Variants in MEIS2 observed in about 807,000 individuals in gnomAD.
MEIS2 encodes homeobox protein Meis2.
MEIS2 carries 9 observed loss-of-function variants against 58.6 expected under a neutral mutation model. The ratio of observed to expected loss-of-function variants is 0.15; its 90% confidence interval spans 0.09 to 0.27. The LOEUF is 0.27. Ranked by LOEUF, MEIS2 falls within the 10% of genes least tolerant of loss-of-function variation. MEIS2 has a pLI of 1.00. For synonymous variants in MEIS2, 221 were observed against 228.4 expected (o/e 0.97, Z 0.29); for missense variants, 427 against 635.0 (o/e 0.67, Z 3.52).
At position 36,892,077 on chromosome 15, in the gene MEIS2, C is replaced by T; in HGVS notation, c.*96G>A. 3 of 1,316,246 alleles carry T rather than the reference C, an allele frequency of 2.3e-6. No individual in the cohort carries two copies. Among genetic ancestry groups the T allele is most frequent in the Non-Finnish European group, 3.2e-6 (3 of 932,274 alleles). 81.5% of individuals were successfully genotyped at this position (1,316,246 alleles called of 1,614,324 possible). A position where few individuals can be genotyped will look rare whatever the true frequency, so the allele number is the denominator to read the frequency against. On this transcript the variant is annotated 3_prime_UTR_variant, in exon 12 of 12. Coordinates refer to ENST00000561208, the MANE Select transcript of MEIS2 (RefSeq NM_170675.5). ...AAAAGTAAAAAATAATCACAGCTGT[C>T]TGGAATTTCATATTAAGTGTCAACA...
In MEIS2 at chr15:36,950,418, G is replaced by A; in HGVS notation, c.901-18C>T. ...TACGGATGCTAATGGAAAAACAAATGTTTTAAAAGATGGATCAGAAGTTAA... is the reference window on the plus strand; with the variant it reads ...TACGGATGCTAATGGAAAAACAAATATTTTAAAAGATGGATCAGAAGTTAA... On this transcript the variant is annotated intron_variant, in intron 8 of 11. Transcript: ENST00000561208. 1.2e-6 allele frequency: 2 copies of A among 1,607,464 alleles called. No homozygotes were observed. Among genetic ancestry groups the A allele is most frequent in the African/African-American group, 1.3e-5 (1 of 74,790 alleles).
chr15:36,926,333 T>C (rs2057748110), intron 9 of MEIS2, among the ~76,000 whole-genome samples: 1 of 152,174 alleles, frequency 6.6e-6, no homozygotes, highest in African/African-American at 2.4e-5. Flanking sequence ...TGGAATGGTT[T>C]TACCTTTTCA....
At chr15:37,072,714 C>T (rs1328858978) in intron 7 of MEIS2, among the ~76,000 whole-genome samples, 1 of 152,070 alleles carries the variant, frequency 6.6e-6, no homozygotes, top group African/African-American at 2.4e-5. Flanking sequence ...TTTTAGGGTA[C>T]ATGTGCACAA....
At chr15:36,995,267 A>C (rs907287372) in intron 8 of MEIS2, among the ~76,000 whole-genome samples, 4 of 152,208 alleles carry the variant, frequency 2.6e-5, no homozygotes, top group African/African-American at 9.6e-5. Flanking sequence ...TAAACACTTT[A>C]AACATTTTCA....
chr15:37,072,426 G>A (rs1208794888), intron 7 of MEIS2, among the ~76,000 whole-genome samples: 1 of 152,040 alleles, frequency 6.6e-6, no homozygotes, highest in Non-Finnish European at 1.5e-5. Flanking sequence ...GTGCTCTACA[G>A]GATTAAGCAT....
chr15:36,962,002 A>C (rs560466138), intron 8 of MEIS2, among the ~76,000 whole-genome samples: 1 of 152,338 alleles, frequency 6.6e-6, no homozygotes, highest in Non-Finnish European at 1.5e-5. Context: ...GGCTGTCTCC[A>C]CAAAAACAGA....
At chr15:36,997,693 G>A (rs997342960) in intron 8 of MEIS2, among the ~76,000 whole-genome samples, 3 of 152,048 alleles carry the variant, frequency 2.0e-5, no homozygotes, top group African/African-American at 7.2e-5. Context: ...GTGTTAGCCA[G>A]GATGGTCTCG....
At chr15:36,976,132 T>A (rs2059742387) in intron 8 of MEIS2, among the ~76,000 whole-genome samples, 1 of 152,176 alleles carries the variant, frequency 6.6e-6, no homozygotes. Context: ...TCACCCAGGC[T>A]GGAGTGCAGT....
At chr15:37,069,219 C>T (rs765553949) in intron 7 of MEIS2, among the ~76,000 whole-genome samples, 1 of 152,022 alleles carries the variant, frequency 6.6e-6, no homozygotes, top group Non-Finnish European at 1.5e-5. Context: ...TGTGTAGAAA[C>T]ATCAGTCTGG....
intron 8 of MEIS2, among the ~76,000 whole-genome samples, chr15:36,970,208 C>A (rs2059491849): frequency 6.6e-6 from 1 of 152,064 alleles, no homozygotes; most frequent in Non-Finnish European, 1.5e-5. Flanking sequence ...TCCGGACCAT[C>A]CTGGCTAACA....
At chr15:37,077,197 GT>G (rs1306086826) in intron 7 of MEIS2, among the ~76,000 whole-genome samples, 28 of 152,196 alleles carry the variant, frequency 1.8e-4, no homozygotes, top group African/African-American at 6.0e-4. Context: ...CCTGATCCGT[GT>G]GAGGAAAGGA....
intron 7 of MEIS2, among the ~76,000 whole-genome samples, chr15:37,042,909 T>C (rs2062490380): frequency 6.6e-6 from 1 of 152,248 alleles, no homozygotes; most frequent in Admixed American, 6.5e-5. Flanking sequence ...CTACTGTCCA[T>C]GAAGTAGGAT....
At chr15:37,078,107 G>A (rs528768340) in intron 7 of MEIS2, among the ~76,000 whole-genome samples, 30 of 152,044 alleles carry the variant, frequency 2.0e-4, no homozygotes, top group Non-Finnish European at 3.2e-4. Flanking sequence ...GCTATTCTCA[G>A]CTTTCAGTAA....
chr15:36,922,894 G>A lies in MEIS2; in HGVS notation c.978-26208C>T, dbSNP rs1595731428. Among the ~76,000 whole-genome samples, 2 of 152,098 alleles carry A rather than the reference G, an allele frequency of 1.3e-5. 1 individual carries two copies. The highest frequency in any genetic ancestry group is 3.9e-4 in the East Asian group (2 of 5,176). ...GCCTCCCAAAGTGTTGGGATTGCAG[G>A]CATGAGCCACCGCTCCCGGCCAAAC... On this transcript the variant is annotated intron_variant, in intron 9 of 11. Transcript: ENST00000561208.
intron 7 of MEIS2, among the ~76,000 whole-genome samples, chr15:37,063,083 C>G (rs551650595): frequency 1.3e-5 from 2 of 152,324 alleles, no homozygotes; most frequent in East Asian, 3.9e-4. Context: ...ATCAAAACAA[C>G]TTTACTGAAA....
chr15:36,970,366 T>C (rs1226497418), intron 8 of MEIS2, among the ~76,000 whole-genome samples: 1 of 150,132 alleles, frequency 6.7e-6, no homozygotes, highest in African/African-American at 2.5e-5. Context: ...ATCGCGCCAC[T>C]GCACTCCAGC....
At chr15:36,960,838 G>A (rs1016163431) in intron 8 of MEIS2, among the ~76,000 whole-genome samples, 15 of 152,066 alleles carry the variant, frequency 9.9e-5, no homozygotes, top group Non-Finnish European at 2.2e-4. Flanking sequence ...ATATGACAAA[G>A]TAAAACAAGA....
At chr15:37,041,044 G>GCAGCCACAGTGAGTAACTGCAAT (rs1311199889) in intron 7 of MEIS2, among the ~76,000 whole-genome samples, 2 of 152,216 alleles carry the variant, frequency 1.3e-5, no homozygotes, top group Non-Finnish European at 2.9e-5. Context: ...AATGAGGTTA[G>GCAGCCACAGTGAGTAACTGCAAT]CAGCCACAGT....
intron 8 of MEIS2, among the ~76,000 whole-genome samples, chr15:37,001,681 A>G (rs893137269): frequency 1.3e-5 from 2 of 152,152 alleles, no homozygotes; most frequent in African/African-American, 4.8e-5. Flanking sequence ...ACCTTTAGTC[A>G]TTCCCCTAAG....
Sources: gnomAD v4.1 joint callset for allele counts (sites outside exome capture counted in the v4.1 genomes callset) on GRCh38, gnomAD v4.1.1 for gene constraint, MANE v1.5 for transcripts, NCBI Gene and HGNC (gene_info 2026-07-23, HGNC 2026-07-21) for gene names.